The following USP46 variants were observed in gnomAD, a reference collection of about 807,000 sequenced individuals.
USP46 encodes ubiquitin specific peptidase 46, also known as ubiquitin carboxyl-terminal hydrolase 46.
Under a neutral mutation model 44.4 loss-of-function variants are expected in USP46, and 12 were observed. The observed-to-expected ratio is 0.27, with a 90% CI of 0.17 to 0.44. USP46 has a LOEUF of 0.44. Ranked by LOEUF, USP46 falls within the 20% of genes least tolerant of loss-of-function variation. USP46 has a pLI of 1.00. For synonymous variants in USP46, 155 were observed against 161.5 expected (o/e 0.96, Z 0.31); for missense variants, 248 against 444.8 (o/e 0.56, Z 3.98).
chr4:52,625,662 GTGA>G, intron 4 of USP46, among the ~76,000 whole-genome samples: 1 of 152,240 alleles, frequency 6.6e-6, no homozygotes, highest in South Asian at 2.1e-4. Flanking sequence ...CTAAACTGGG[GTGA>G]TGGTCCTGTT....
At chr4:52,603,392 G>A (rs955164263) in intron 6 of USP46, among the ~76,000 whole-genome samples, 1 of 152,196 alleles carries the variant, frequency 6.6e-6, no homozygotes, top group Non-Finnish European at 1.5e-5. Flanking sequence ...GTACATGTTT[G>A]GAGTGAACGC....
At chr4:52,601,518 C>G (rs1353066516) in intron 7 of USP46, among the ~76,000 whole-genome samples, 1 of 152,208 alleles carries the variant, frequency 6.6e-6, no homozygotes, top group Non-Finnish European at 1.5e-5. Context: ...TGAGATCATA[C>G]TGTAAATGCA....
intron 1 of USP46, among the ~76,000 whole-genome samples, chr4:52,632,615 G>A (rs1019184264): frequency 1.3e-5 from 2 of 151,954 alleles, no homozygotes; most frequent in Non-Finnish European, 2.9e-5. Context: ...GAGCCTCAGT[G>A]GTTCGAGACC....
chr4:52,598,798 GA>G lies in USP46; in HGVS notation c.921-93del, dbSNP rs534147836. 1.3e-4 allele frequency: 162 copies of G among 1,223,880 alleles called. No individual in the cohort carries two copies. The African/African-American group carries it at 1.4e-3, about 10-fold the overall frequency. 75.8% of individuals were successfully genotyped at this position (1,223,880 alleles called of 1,614,324 possible). On this transcript the variant is annotated intron_variant, in intron 7 of 8. Coordinates refer to ENST00000441222, the MANE Select transcript of USP46 (RefSeq NM_022832.4). ...CTCTTTATAAGCAGTGATTCTCTGG[GA>G]AAAAAAACTATGTCATCAGCGTAAA...
chr4:52,643,993 T>C (rs1240627063), intron 1 of USP46, among the ~76,000 whole-genome samples: 3 of 152,196 alleles, frequency 2.0e-5, no homozygotes, highest in Non-Finnish European at 4.4e-5. Flanking sequence ...TCTGAGTATG[T>C]CCACTTTGGC....
intron 4 of USP46, among the ~76,000 whole-genome samples, chr4:52,615,929 A>G (rs1717113651): frequency 6.6e-6 from 1 of 152,246 alleles, no homozygotes; most frequent in South Asian, 2.1e-4. Flanking sequence ...TGACAGAATT[A>G]AAAGGAGAAA....
At position 52,659,192 on chromosome 4, in the gene USP46, A is replaced by AT; in HGVS notation, c.-43_-42insA. ...GCGATCCCTCACCGCCATCTTTACA[A>AT]GGGGAAACCGGGACTGCCCATGGTG... On this transcript the variant is annotated 5_prime_UTR_variant, in exon 1 of 9. The change abolishes the stop of an existing upstream ORF in the 5' untranslated region. Transcript: ENST00000441222. The surrounding 1 kb of genome is among the most constrained non-coding windows in gnomAD (Gnocchi z 4.2). The AT allele has an allele frequency of 6.6e-7, 1 of 1,514,864 alleles. No homozygotes were observed. Among genetic ancestry groups the AT allele is most frequent in the Non-Finnish European group, 8.9e-7 (1 of 1,129,140 alleles). 93.8% of individuals were successfully genotyped at this position (1,514,864 alleles called of 1,614,324 possible).
intron 1 of USP46, among the ~76,000 whole-genome samples, chr4:52,655,663 C>T (rs2109377343): frequency 6.6e-6 from 1 of 152,316 alleles, no homozygotes; most frequent in South Asian, 2.1e-4. Flanking sequence ...GAAGACATTT[C>T]CTCATGCTTG....
At chr4:52,601,256 C>T (rs1716458115) in intron 7 of USP46, among the ~76,000 whole-genome samples, 1 of 152,168 alleles carries the variant, frequency 6.6e-6, no homozygotes, top group African/African-American at 2.4e-5. Context: ...CTTTTCTTCC[C>T]TTATACCAAA....
chr4:52,658,746 A>G (rs1719055224), intron 1 of USP46, among the ~76,000 whole-genome samples: 1 of 152,224 alleles, frequency 6.6e-6, no homozygotes, highest in African/African-American at 2.4e-5. Context: ...GACCGCAAGA[A>G]GAGGATGGGT....
intron 6 of USP46, among the ~76,000 whole-genome samples, chr4:52,602,635 G>C (rs1383498470): frequency 6.6e-6 from 1 of 152,190 alleles, no homozygotes; most frequent in Non-Finnish European, 1.5e-5. Context: ...ATAAAATGCA[G>C]GGGTTGGCTT....
intron 5 of USP46, among the ~76,000 whole-genome samples, chr4:52,606,457 T>C (rs1560392955): frequency 6.6e-6 from 1 of 152,206 alleles, no homozygotes; most frequent in Admixed American, 6.5e-5. Flanking sequence ...AGCAAAGTCA[T>C]GTCTTACATG....
chr4:52,650,124 C>T (rs2109665681), intron 1 of USP46, among the ~76,000 whole-genome samples: 1 of 152,290 alleles, frequency 6.6e-6, no homozygotes, highest in East Asian at 1.9e-4. Context: ...GAAATGAAGA[C>T]ACCTGAGCAA....
intron 1 of USP46, among the ~76,000 whole-genome samples, chr4:52,653,104 G>A (rs1718827161): frequency 6.6e-6 from 1 of 152,000 alleles, no homozygotes; most frequent in Non-Finnish European, 1.5e-5. Context: ...AAACTTCCAT[G>A]TACAGCACTT....
intron 4 of USP46, among the ~76,000 whole-genome samples, chr4:52,624,645 G>T (rs936781499): frequency 6.6e-6 from 1 of 152,138 alleles, no homozygotes; most frequent in Non-Finnish European, 1.5e-5. Context: ...GTCACAGCTC[G>T]CAATGGACTG....
At chr4:52,650,907 G>A (rs1213640079) in intron 1 of USP46, 1 of 152,052 alleles carries the variant, frequency 6.6e-6, no homozygotes, top group Non-Finnish European at 1.5e-5. Flanking sequence ...GACCATCCCA[G>A]GCAACATGGT....
At chr4:52,640,937 T>TA (rs1227830785) in intron 1 of USP46, among the ~76,000 whole-genome samples, 2 of 151,974 alleles carry the variant, frequency 1.3e-5, no homozygotes, top group East Asian at 1.9e-4. Flanking sequence ...TTTTTTTTTT[T>TA]ACCACTATGA....
intron 5 of USP46, among the ~76,000 whole-genome samples, chr4:52,607,815 T>C (rs762686924): frequency 2.0e-5 from 3 of 152,164 alleles, no homozygotes; most frequent in Non-Finnish European, 4.4e-5. Context: ...CTTCATCTTC[T>C]GCCATAATTG....
intron 5 of USP46, 67 bp downstream of exon 5, chr4:52,610,474 C>G (rs1716898042): frequency 7.3e-7 from 1 of 1,370,992 alleles, no homozygotes; most frequent in East Asian, 2.3e-5. Flanking sequence ...TGAAGAAATA[C>G]AGGATTTTCT....
Sources: allele counts gnomAD v4.1 joint callset (sites outside exome capture counted in the v4.1 genomes callset), GRCh38; gene constraint gnomAD v4.1.1; non-coding constraint Gnocchi (gnomAD v3.1); transcripts MANE v1.5; gene names NCBI Gene and HGNC (gene_info 2026-07-23, HGNC 2026-07-21).